Variants in METTL15 observed in about 807,000 individuals in gnomAD.
The protein encoded by METTL15 is 12S rRNA N(4)-cytidine methyltransferase METTL15.
In METTL15, 34 loss-of-function variants were observed where a neutral mutation model predicts 38.3. The observed-to-expected ratio is 0.89, with a 90% CI of 0.68 to 1.18. The LOEUF is 1.18. Ranked by LOEUF, METTL15 falls within the 50% of genes most tolerant of loss-of-function variation. The pLI, the probability that METTL15 is intolerant of heterozygous loss-of-function variation, is 0.00. For missense variants in METTL15, 438 were observed against 498.4 expected (o/e 0.88, Z 1.15); for synonymous variants, 162 against 170.9 (o/e 0.95, Z 0.41).
At chr11:28,438,891 G>T (rs1038833637) in intron 6 of METTL15, among the ~76,000 whole-genome samples, 1 of 151,736 alleles carries the variant, frequency 6.6e-6, no homozygotes, top group African/African-American at 2.4e-5. Context: ...TGGCCAGGCT[G>T]GTCTCGAACC....
At chr11:28,426,108 C>T (rs565592374) in intron 6 of METTL15, among the ~76,000 whole-genome samples, 11 of 152,260 alleles carry the variant, frequency 7.2e-5, no homozygotes, top group African/African-American at 2.6e-4. Flanking sequence ...CCCACCCACA[C>T]TCTGACAGGC....
chr11:28,343,309 C>T (rs1342743741), intron 3 of METTL15, among the ~76,000 whole-genome samples: 4 of 151,834 alleles, frequency 2.6e-5, no homozygotes, highest in Non-Finnish European at 4.4e-5. Context: ...ATTTGCCTTA[C>T]AACCAGAGAA....
rs1852491205 is a variant in METTL15, at chr11:28,208,838, C to G, written c.271-2224C>G. On this transcript the variant is annotated intron_variant, in intron 3 of 6. Transcript: ENST00000407364. ...ATTGGCTCCCTTTTCAATTGTGGTG[C>G]TGGTTGGCTCATGAGGCCTAGATGT... 2.0e-5 allele frequency among the ~76,000 whole-genome samples: 3 copies of G among 151,920 alleles called. No homozygotes were observed. The South Asian group carries it at 6.2e-4, about 31-fold the overall frequency.
intron 3 of METTL15, among the ~76,000 whole-genome samples, chr11:28,347,730 C>G (rs1215097304): frequency 6.6e-6 from 1 of 152,314 alleles, no homozygotes; most frequent in Non-Finnish European, 1.5e-5. Flanking sequence ...CTATAGTACC[C>G]GGAATTCCAC....
intron 4 of METTL15, among the ~76,000 whole-genome samples, chr11:28,361,770 G>C (rs1850141280): frequency 6.6e-6 from 1 of 151,972 alleles, no homozygotes. Context: ...CAAGAGTTTG[G>C]GGTCCCGGAG....
intron 5 of METTL15, among the ~76,000 whole-genome samples, chr11:28,295,494 G>T (rs575642254): frequency 1.3e-5 from 2 of 151,970 alleles, no homozygotes; most frequent in African/African-American, 4.8e-5. Flanking sequence ...TAAGCTACTC[G>T]GGAGGCTGAG....
intron 4 of METTL15, 141 bp downstream of exon 4, chr11:28,211,339 TTAA>T (rs1166100118): frequency 6.1e-6 from 4 of 655,166 alleles, no homozygotes; most frequent in Non-Finnish European, 9.4e-6. Flanking sequence ...CCAAAAAGAA[TTAA>T]TGTAAGTGAT....
intron 3 of METTL15, among the ~76,000 whole-genome samples, chr11:28,349,765 C>T (rs1037409648): frequency 2.0e-5 from 3 of 152,160 alleles, no homozygotes; most frequent in Non-Finnish European, 2.9e-5. Flanking sequence ...AGAAAGTCCT[C>T]GTCAATCTCC....
chr11:28,301,522 C>G (rs1856912922), intron 6 of METTL15, among the ~76,000 whole-genome samples: 1 of 151,966 alleles, frequency 6.6e-6, no homozygotes, highest in Non-Finnish European at 1.5e-5. Flanking sequence ...CCACATGTGG[C>G]TATAAAGCAC....
At chr11:28,453,384 G>A (rs575451885) in intron 6 of METTL15, among the ~76,000 whole-genome samples, 216 of 152,252 alleles carry the variant, frequency 1.4e-3, no homozygotes, top group African/African-American at 4.7e-3. Flanking sequence ...AACAGCAAAT[G>A]GAAACAATAG....
At chr11:28,176,473 T>G (rs1295106128) in intron 3 of METTL15, among the ~76,000 whole-genome samples, 1 of 152,172 alleles carries the variant, frequency 6.6e-6, no homozygotes, top group East Asian at 1.9e-4. Context: ...ACTCTACTCC[T>G]CTGTGTACCA....
At chr11:28,290,070 C>A in intron 4 of METTL15, 136 bp from the exon 5 acceptor site, 1 of 687,466 alleles carries the variant, frequency 1.5e-6, no homozygotes, top group Non-Finnish European at 2.2e-6. Context: ...TGTCTTTATA[C>A]AACACTAAGC....
At chr11:28,310,996 G>GTGTGTC (rs1857280550) in intron 6 of METTL15, among the ~76,000 whole-genome samples, 1 of 148,564 alleles carries the variant, frequency 6.7e-6, no homozygotes, top group African/African-American at 2.5e-5. Flanking sequence ...GTGTGTGTGT[G>GTGTGTC]TGTGTGTGAG....
chr11:28,512,793 G>A (rs888907281), intron 6 of METTL15, among the ~76,000 whole-genome samples: 24 of 152,240 alleles, frequency 1.6e-4, no homozygotes, highest in African/African-American at 5.3e-4. Flanking sequence ...GTGCAGTGGT[G>A]GGCTGAAGGG....
intron 3 of METTL15, among the ~76,000 whole-genome samples, chr11:28,190,799 A>G (rs66857704): frequency 0.25 from 37,425 of 151,190 alleles, 4,893 homozygotes; most frequent in African/African-American, 0.29. Flanking sequence ...ACAAATTAAA[A>G]TGTTAGCAAA....
At chr11:28,394,344 A>G (rs963510364) in intron 5 of METTL15, among the ~76,000 whole-genome samples, 4 of 152,136 alleles carry the variant, frequency 2.6e-5, no homozygotes, top group Admixed American at 6.6e-5. Flanking sequence ...CATTCACAAC[A>G]CAAATGCTGA....
chr11:28,190,572 T>C (rs546480899), intron 3 of METTL15, among the ~76,000 whole-genome samples: 18 of 151,188 alleles, frequency 1.2e-4, no homozygotes, highest in Admixed American at 2.0e-4. Flanking sequence ...CCTGGCCTTA[T>C]CATTGAGAAA....
chr11:28,495,843 G>C (rs892495369), intron 6 of METTL15, among the ~76,000 whole-genome samples: 6 of 151,726 alleles, frequency 4.0e-5, no homozygotes, highest in African/African-American at 1.5e-4. Flanking sequence ...AAAGCTCAGA[G>C]AAAAGGAAAA....
chr11:28,382,334 G>A (rs562514780), intron 5 of METTL15, among the ~76,000 whole-genome samples: 31 of 152,258 alleles, frequency 2.0e-4, no homozygotes, highest in African/African-American at 6.7e-4. Flanking sequence ...TTTGTCTCTG[G>A]CTGTCCTCAG....
Sources: gnomAD v4.1 joint callset for allele counts (sites outside exome capture counted in the v4.1 genomes callset) on GRCh38, gnomAD v4.1.1 for gene constraint, MANE v1.5 for transcripts, NCBI Gene and HGNC (gene_info 2026-07-23, HGNC 2026-07-21) for gene names.